PDK4: variants seen among roughly 807,000 people sequenced by gnomAD.
PDK4 encodes pyruvate dehydrogenase kinase, isozyme 4.
PDK4 carries 43 observed loss-of-function variants against 51.7 expected under a neutral mutation model. The observed-to-expected ratio is 0.83, with a 90% CI of 0.65 to 1.07. The LOEUF (loss-of-function observed/expected upper bound fraction) is 1.07. Among genes scored for constraint, PDK4 ranks in the 50% least tolerant of loss-of-function variants. The pLI is 0.00. For missense variants in PDK4, 498 were observed against 503.5 expected (o/e 0.99, Z 0.10); for synonymous variants, 170 against 176.6 (o/e 0.96, Z 0.30).
rs1391880161 is a variant in PDK4 at position 95,592,781 on chromosome 7, G to A, written c.508C>T (p.Arg170Trp). ...DRFYMNRIST[R>W]MLMNQHILIF... ...TTACTGTGCTGGTTCATCAGCATCC[G>A]AGTAGAAATACGGTTCATGTAAAAT... is the stretch of plus-strand genomic sequence containing the variant. The change falls in exon 4 of 11, where the codon CGG (arginine) becomes TGG (tryptophan). Residue 170 changes from arginine (R) to tryptophan (W), a missense_variant. Physicochemically the swap from Arg to Trp is moderately radical, Grantham distance 101. Coordinates refer to ENST00000005178, the MANE Select transcript of PDK4 (RefSeq NM_002612.4). 11 of 1,612,214 alleles carry A rather than the reference G, an allele frequency of 6.8e-6. No homozygotes were observed. Among genetic ancestry groups the A allele is most frequent in the East Asian group, 2.2e-5 (1 of 44,846 alleles).
intron 1 of PDK4, 25 bp downstream of exon 1, chr7:95,596,138 AG>A: frequency 6.3e-7 from 1 of 1,592,146 alleles, no homozygotes; most frequent in Non-Finnish European, 8.5e-7. Flanking sequence ...CCTAGGACCC[AG>A]CTTGGGCCCT....
Position 95,596,371 on chromosome 7 carries a change from A to G in PDK4, c.-78T>C, listed in dbSNP as rs993602651. 10 of 1,441,590 alleles carry G rather than the reference A, an allele frequency of 6.9e-6. No homozygotes were observed. Among genetic ancestry groups the G allele is most frequent in the Non-Finnish European group, 8.2e-6 (9 of 1,098,834 alleles). 89.3% of individuals were successfully genotyped at this position (1,441,590 alleles called of 1,614,324 possible). On this transcript the variant is annotated 5_prime_UTR_variant, in exon 1 of 11. Transcript: ENST00000005178. Reference sequence around the variant, plus strand: ...CTGCTCGGAGCAGAGCCTGGTTCCGAGGGGGCGCGGCGCGTCCGGGCGAGG... The same window carrying G: ...CTGCTCGGAGCAGAGCCTGGTTCCGGGGGGGCGCGGCGCGTCCGGGCGAGG...
chr7:95,593,568 T>A (rs1031903724), intron 3 of PDK4, 131 bp downstream of exon 3: 6 of 491,026 alleles, frequency 1.2e-5, no homozygotes, highest in Non-Finnish European at 2.2e-5. Context: ...AAGCCAAAAC[T>A]TGTCATGTGT....
At position 95,583,800 on chromosome 7, in the gene PDK4, G is replaced by A. The variant is rs1461192031; in HGVS notation, c.*1841C>T. On this transcript the variant is annotated 3_prime_UTR_variant, in exon 11 of 11. Transcript: ENST00000005178. ...AATTAATCAACTGATTTAAATCTTTGGTAAATACAAGTATTTACATGTAAA... is the reference window on the plus strand; with the variant it reads ...AATTAATCAACTGATTTAAATCTTTAGTAAATACAAGTATTTACATGTAAA... 2.6e-5 allele frequency: 4 copies of A among 151,668 alleles called. No individual in the cohort carries two copies. Among genetic ancestry groups the A allele is most frequent in the Non-Finnish European group, 5.9e-5 (4 of 67,948 alleles). 9.4% of individuals were successfully genotyped at this position (151,668 alleles called of 1,614,324 possible).
chr7:95,587,939 T>A, intron 7 of PDK4, 114 bp from the exon 8 acceptor site: 1 of 694,546 alleles, frequency 1.4e-6, no homozygotes, highest in Non-Finnish European at 2.5e-6. Context: ...AAGTTCCTAT[T>A]TTTTTAAGTT....
chr7:95,588,201 A>G (rs1332099700), intron 7 of PDK4, among the ~76,000 whole-genome samples: 1 of 152,192 alleles, frequency 6.6e-6, no homozygotes, highest in African/African-American at 2.4e-5. Flanking sequence ...CTACTATATA[A>G]CAAATGAACA....
chr7:95,594,939 C>T, intron 2 of PDK4, 84 bp downstream of exon 2: 1 of 863,288 alleles, frequency 1.2e-6, no homozygotes, highest in Non-Finnish European at 1.7e-6. Flanking sequence ...ACCTGTTTTC[C>T]AATTATGATG....
chr7:95,596,472 G>A lies in PDK4; in HGVS notation c.-179C>T. On this transcript the variant is annotated 5_prime_UTR_variant, in exon 1 of 11. Coordinates refer to ENST00000005178, the MANE Select transcript of PDK4 (RefSeq NM_002612.4). ...AGGGTGCCGCGGAGTGAAGAGTCTG[G>A]GCAGAGTCGGAGATGCAGTGGTTCG... The A allele has an allele frequency of 1.8e-6, 1 of 568,632 alleles. No homozygotes were observed. Among genetic ancestry groups the A allele is most frequent in the Non-Finnish European group, 2.8e-6 (1 of 361,086 alleles). 35.2% of individuals were successfully genotyped at this position (568,632 alleles called of 1,614,324 possible).
chr7:95,593,023 G>T (rs1357933109), intron 3 of PDK4, 79 bp from the exon 4 acceptor site: 30 of 960,562 alleles, frequency 3.1e-5, no homozygotes, highest in Non-Finnish European at 3.6e-5. Flanking sequence ...TTCACAGAAG[G>T]CTAAAGTTTT....
Position 95,587,739 on chromosome 7 carries a change from GTCT to G in PDK4, c.855_857del (p.Glu285del). 2 of 1,605,798 alleles carry G rather than the reference GTCT, an allele frequency of 1.2e-6. No individual in the cohort carries two copies. The highest frequency in any genetic ancestry group is 1.7e-5 in the Admixed American group (1 of 60,006). On this transcript the variant is annotated inframe_deletion, in exon 8 of 11. Transcript: ENST00000005178. The stretch of plus-strand genomic sequence containing the variant: ...AGAGAATGGTTACCTTAATGGTAAG[GTCT>G]TCTTTTCCCAAGACAACAATAACCT...
chr7:95,587,377 C>G, intron 9 of PDK4, 41 bp downstream of exon 9: 1 of 1,164,322 alleles, frequency 8.6e-7, no homozygotes, highest in Non-Finnish European at 1.3e-6. Flanking sequence ...ACATTTAGAA[C>G]TAGGTGGCTG....
chr7:95,591,018 G>C (rs1158018630), intron 6 of PDK4, among the ~76,000 whole-genome samples: 1 of 152,128 alleles, frequency 6.6e-6, no homozygotes, highest in Non-Finnish European at 1.5e-5. Context: ...GCTCACTGCA[G>C]CCTTGACTTC....
At chr7:95,587,641 T>G in intron 8 of PDK4, 86 bp downstream of exon 8, 1 of 1,167,414 alleles carries the variant, frequency 8.6e-7, no homozygotes, top group Non-Finnish European at 1.3e-6. Flanking sequence ...GACTGTTATC[T>G]ATTGCAAAAA....
At chr7:95,592,476 T>C in intron 5 of PDK4, 35 bp downstream of exon 5, 1 of 1,183,646 alleles carries the variant, frequency 8.4e-7, no homozygotes, top group Middle Eastern at 1.9e-4. Flanking sequence ...TATTGTACAT[T>C]TTCAATAAGG....
At chr7:95,589,597 C>A (rs1180844845) in intron 7 of PDK4, 43 bp downstream of exon 7, 2 of 997,168 alleles carry the variant, frequency 2.0e-6, no homozygotes, top group Non-Finnish European at 3.1e-6. Context: ...AACTGTTAAA[C>A]CTTTTTAAAA....
intron 6 of PDK4, among the ~76,000 whole-genome samples, chr7:95,590,296 T>C (rs1791536407): frequency 6.6e-6 from 1 of 152,140 alleles, no homozygotes; most frequent in South Asian, 2.1e-4. Flanking sequence ...TTTAGTAAAA[T>C]AACACACCTG....
chr7:95,587,849 A>G (rs1726526806), intron 7 of PDK4, 24 bp from the exon 8 acceptor site: 2 of 1,426,694 alleles, frequency 1.4e-6, no homozygotes, highest in Non-Finnish European at 2.0e-6. Flanking sequence ...AACCATAAGG[A>G]ATTCAATGGC....
chr7:95,585,594 T>C lies in PDK4; in HGVS notation c.*47A>G, dbSNP rs780539466. 119 of 1,478,758 alleles carry C rather than the reference T, an allele frequency of 8.0e-5. No individual in the cohort carries two copies. The highest frequency in any genetic ancestry group is 1.1e-4 in the Non-Finnish European group (117 of 1,090,000). 91.6% of individuals were successfully genotyped at this position (1,478,758 alleles called of 1,614,324 possible). A position where few individuals can be genotyped will look rare whatever the true frequency, so the allele number is the denominator to read the frequency against. On this transcript the variant is annotated 3_prime_UTR_variant, in exon 11 of 11. Coordinates refer to ENST00000005178, the MANE Select transcript of PDK4 (RefSeq NM_002612.4). ...CACACAAACATTCAGGAAGCAGCAC[T>C]GGTGTAGACCCACTTTGATCCCGTA...
At chr7:95,588,732 C>G (rs1791516150) in intron 7 of PDK4, among the ~76,000 whole-genome samples, 1 of 152,114 alleles carries the variant, frequency 6.6e-6, no homozygotes. Flanking sequence ...TCAGGGGACT[C>G]TTGGGAAGCA....
Sources: allele counts gnomAD v4.1 joint callset (sites outside exome capture counted in the v4.1 genomes callset), GRCh38; gene constraint gnomAD v4.1.1; transcripts MANE v1.5; gene names NCBI Gene and HGNC (gene_info 2026-07-23, HGNC 2026-07-21).